ARID2: variants seen among roughly 807,000 people sequenced by gnomAD.
ARID2 encodes AT-rich interactive domain-containing protein 2.
Under a neutral mutation model 184.6 loss-of-function variants are expected in ARID2, and 32 were observed. The observed-to-expected ratio is 0.17, with a 90% CI of 0.13 to 0.23. The LOEUF is 0.23. ARID2 is among the 10% of genes least tolerant of loss of function. The pLI is 1.00. For missense variants in ARID2, 1,696 were observed against 2,197.6 expected (o/e 0.77, Z 4.56); for synonymous variants, 836 against 772.6 (o/e 1.08, Z -1.36).
intron 6 of ARID2, among the ~76,000 whole-genome samples, chr12:45,826,532 A>G (rs1943005605): frequency 6.6e-6 from 1 of 152,026 alleles, no homozygotes; most frequent in Non-Finnish European, 1.5e-5. Context: ...CTCCTGCCTC[A>G]GGCTCCCAAG....
intron 20 of ARID2, among the ~76,000 whole-genome samples, chr12:45,897,867 C>T (rs562099054): frequency 2.0e-4 from 31 of 151,656 alleles, no homozygotes; most frequent in South Asian, 4.2e-4. Context: ...ATCTTTGAGA[C>T]GGGGTCTCAC....
intron 3 of ARID2, among the ~76,000 whole-genome samples, chr12:45,784,506 C>G (rs1942158301): frequency 1.3e-5 from 2 of 151,800 alleles, no homozygotes; most frequent in Admixed American, 1.3e-4. Flanking sequence ...GGTGAAACAC[C>G]ATCTCTACAA....
intron 3 of ARID2, among the ~76,000 whole-genome samples, chr12:45,749,523 A>G (rs1429400855): frequency 2.6e-5 from 4 of 152,208 alleles, no homozygotes; most frequent in African/African-American, 9.7e-5. Flanking sequence ...CTAACAAAAG[A>G]GTCAGCTTTT....
At chr12:45,824,771 C>T (rs1253058908) in intron 6 of ARID2, among the ~76,000 whole-genome samples, 2 of 151,556 alleles carry the variant, frequency 1.3e-5, no homozygotes. Flanking sequence ...AATACCTGTG[C>T]CGTCAATGTG....
intron 16 of ARID2, among the ~76,000 whole-genome samples, chr12:45,871,335 T>C (rs1406810619): frequency 6.6e-6 from 1 of 152,218 alleles, no homozygotes; most frequent in Non-Finnish European, 1.5e-5. Flanking sequence ...AGATAATGGA[T>C]TATGTCAAAT....
At position 45,850,907 on chromosome 12, in the gene ARID2, T is replaced by A. The variant is rs1475513918; in HGVS notation, c.2784T>A (p.Ile928=). The change falls in exon 15 of 21, where the codon ATT becomes ATA. Residue 928 remains isoleucine (I), a synonymous_variant. Transcript: ENST00000334344. ...AGCCAACCCAACAAAGCGTAGTGAT[T>A]GTAAGCCAGCCAGCTCAACAAGGTC... is the stretch of plus-strand genomic sequence containing the variant. ...PQQPTQQSVV[I]VSQPAQQGQT... 6.2e-7 allele frequency: 1 copy of A among 1,614,134 alleles called. No homozygotes were observed. The highest frequency in any genetic ancestry group is 1.1e-5 in the South Asian group (1 of 91,078).
intron 3 of ARID2, chr12:45,776,076 T>C (rs1455475100): frequency 1.2e-5 from 2 of 168,844 alleles, no homozygotes; most frequent in African/African-American, 4.8e-5. Context: ...CAATTTTTAT[T>C]TCAGGCAGTA....
intron 11 of ARID2, chr12:45,842,330 TAC>T (rs750582485): frequency 8.7e-4 from 132 of 151,494 alleles, no homozygotes; most frequent in African/African-American, 2.7e-3. Context: ...TGTATATATA[TAC>T]ACACATGTAT....
intron 3 of ARID2, among the ~76,000 whole-genome samples, chr12:45,809,517 T>C (rs1241297870): frequency 6.6e-6 from 1 of 152,246 alleles, no homozygotes; most frequent in Non-Finnish European, 1.5e-5. Flanking sequence ...CTTTTTGTTC[T>C]GTTTTGTGTT....
At chr12:45,904,385 C>A (rs1944494664) in intron 20 of ARID2, 1 of 715,194 alleles carries the variant, frequency 1.4e-6, no homozygotes, top group African/African-American at 1.8e-5. Flanking sequence ...GTGCAGCCTT[C>A]CATATTTAGA....
In ARID2 at chr12:45,730,001, CG is replaced by C. The variant is rs747568675; in HGVS notation, c.93-39del. The C allele has an allele frequency of 4.4e-6, 7 of 1,608,254 alleles. No homozygotes were observed. The South Asian group carries it at 7.7e-5, about 18-fold the overall frequency. ...GGGGCTCTCCCGCCCGGGCCGGGCACGGGGTCCCGGCTGACAAGTGCGGGGC... is the reference window on the plus strand; with the variant it reads ...GGGGCTCTCCCGCCCGGGCCGGGCACGGGTCCCGGCTGACAAGTGCGGGGC... On this transcript the variant is annotated intron_variant, in intron 1 of 20. Coordinates refer to ENST00000334344, the MANE Select transcript of ARID2 (RefSeq NM_152641.4).
intron 15 of ARID2, among the ~76,000 whole-genome samples, chr12:45,857,009 A>G (rs1008326060): frequency 6.6e-6 from 1 of 152,214 alleles, no homozygotes; most frequent in African/African-American, 2.4e-5. Context: ...TAAAAATAAA[A>G]AAGAATTTAT....
chr12:45,734,106 C>T (rs1281997041), intron 3 of ARID2, among the ~76,000 whole-genome samples: 1 of 152,192 alleles, frequency 6.6e-6, no homozygotes, highest in Non-Finnish European at 1.5e-5. Flanking sequence ...CGGTGGCTCA[C>T]GCCTGTAATC....
chr12:45,893,301 C>T (rs2136461693), intron 18 of ARID2, 119 bp from the exon 19 acceptor site: 1 of 1,254,706 alleles, frequency 8.0e-7, no homozygotes. Flanking sequence ...CCTTTAGTCA[C>T]CCTGTAAACA....
chr12:45,851,947 C>T lies in ARID2; in HGVS notation c.3824C>T (p.Ala1275Val), dbSNP rs1388522276. 3 of 1,612,114 alleles carry T rather than the reference C, an allele frequency of 1.9e-6. No individual in the cohort carries two copies. The highest frequency in any genetic ancestry group is 2.5e-6 in the Non-Finnish European group (3 of 1,179,150). ...GAGAACCCGTCCTGCCGACGAGGAG[C>T]CACAAACACCAGCAATGGGGATACA... ...VMENPSCRRG[A>V]TNTSNGDTKE... is the part of the protein sequence containing the mutation. The change falls in exon 15 of 21, where the codon GCC becomes GTC. Residue 1275 changes from alanine to valine, a missense_variant. By Grantham distance (64) the Ala-to-Val change is moderately conservative. Around this residue, in one of 11 missense-constraint regions of ARID2, gnomAD observed 428 missense variants for 409.1 expected, o/e 1.05. Coordinates refer to ENST00000334344, the MANE Select transcript of ARID2 (RefSeq NM_152641.4).
chr12:45,870,086 C>T (rs1462513951), intron 16 of ARID2, among the ~76,000 whole-genome samples: 1 of 151,970 alleles, frequency 6.6e-6, no homozygotes, highest in East Asian at 2.0e-4. Context: ...CCTGGGTTCA[C>T]GCCATTCTCC....
intron 3 of ARID2, among the ~76,000 whole-genome samples, chr12:45,740,327 T>G (rs867047048): frequency 2.6e-5 from 4 of 152,176 alleles, no homozygotes; most frequent in African/African-American, 9.6e-5. Context: ...TATCTATATG[T>G]GAACTTTTGC....
At chr12:45,797,742 C>G (rs1942416623) in intron 3 of ARID2, among the ~76,000 whole-genome samples, 1 of 151,740 alleles carries the variant, frequency 6.6e-6, no homozygotes, top group African/African-American at 2.4e-5. Flanking sequence ...TTGTTTTGCA[C>G]TAATGATTTA....
intron 3 of ARID2, among the ~76,000 whole-genome samples, chr12:45,767,622 A>T (rs959340320): frequency 6.6e-6 from 1 of 152,148 alleles, no homozygotes; most frequent in Non-Finnish European, 1.5e-5. Context: ...TGAGCCTAGG[A>T]GTTGGAGATT....
Sources: allele counts gnomAD v4.1 joint callset (sites outside exome capture counted in the v4.1 genomes callset), GRCh38; gene constraint gnomAD v4.1.1; regional missense constraint gnomAD v4.1.1; transcripts MANE v1.5; gene names NCBI Gene and HGNC (gene_info 2026-07-23, HGNC 2026-07-21).